DRD3: variants seen among roughly 807,000 people sequenced by gnomAD.
The protein encoded by DRD3 is D(3) dopamine receptor.
DRD3 carries 19 observed loss-of-function variants against 36.3 expected under a neutral mutation model. That is an observed-to-expected ratio of 0.52 (90% CI 0.36 to 0.77). The LOEUF is 0.77. Ranked by LOEUF, DRD3 falls within the 30% of genes least tolerant of loss-of-function variation. The probability of loss-of-function intolerance (pLI) is 0.00; values close to 1 mark genes in which losing one functional copy is unlikely to be tolerated. For synonymous variants in DRD3, 195 were observed against 203.7 expected, an observed-to-expected ratio of 0.96 and a Z score of 0.36; for missense variants, 465 against 505.3, an observed-to-expected ratio of 0.92 and a Z score of 0.77.
At chr3:114,195,284 G>A (rs1477608300) in intron 1 of DRD3, among the ~76,000 whole-genome samples, 1 of 152,124 alleles carries the variant, frequency 6.6e-6, no homozygotes, top group Non-Finnish European at 1.5e-5. Flanking sequence ...TTCAACAACT[G>A]GGAGATACTT....
At chr3:114,197,277 A>AT (rs58452737) in intron 1 of DRD3, among the ~76,000 whole-genome samples, 13,225 of 89,716 alleles carry the variant, frequency 0.15, 1,191 homozygotes, top group Non-Finnish European at 0.18. Flanking sequence ...AATTAAAAAA[A>AT]TTTTTTTTTT....
Position 114,127,965 on chromosome 3 carries a change from G to A in DRD3, c.*751C>T, listed in dbSNP as rs2077393707. ...TTCAACAGTGAAACTACAATGGGAT[G>A]TGTCATTCCGTCTTCAGAAAATATC... On this transcript the variant is annotated 3_prime_UTR_variant, in exon 7 of 7. Coordinates refer to ENST00000383673, the MANE Select transcript of DRD3 (RefSeq NM_000796.6). Among the ~76,000 whole-genome samples the A allele has an allele frequency of 6.6e-6, 1 of 152,240 alleles. No individual in the cohort carries two copies. Among genetic ancestry groups the A allele is most frequent in the Non-Finnish European group, 1.5e-5 (1 of 68,038 alleles).
At chr3:114,185,588 C>T (rs549257766) in intron 1 of DRD3, among the ~76,000 whole-genome samples, 31 of 151,838 alleles carry the variant, frequency 2.0e-4, no homozygotes, top group Admixed American at 9.8e-4. Context: ...GTAGATCTGC[C>T]ACTGAGACTC....
At chr3:114,183,671 T>C (rs2077959778), upstream of DRD3, among the ~76,000 whole-genome samples, 1 of 152,104 alleles carries the variant, frequency 6.6e-6, no homozygotes, top group African/African-American at 2.4e-5. Context: ...TTTATTAATA[T>C]ATAATACCCT....
intron 2 of DRD3, among the ~76,000 whole-genome samples, chr3:114,165,942 T>A (rs2077779102): frequency 6.6e-6 from 1 of 151,198 alleles, no homozygotes; most frequent in Non-Finnish European, 1.5e-5. Flanking sequence ...AGGGCTGCCC[T>A]GGAAATGCTG....
chr3:114,176,623 C>T (rs894970065), intron 1 of DRD3, among the ~76,000 whole-genome samples: 2 of 151,896 alleles, frequency 1.3e-5, no homozygotes, highest in African/African-American at 4.8e-5. Flanking sequence ...AAAAAACCCA[C>T]AAAACTGTCA....
chr3:114,139,395 G>C (rs890230737), intron 5 of DRD3, 105 bp downstream of exon 5: 1 of 1,115,548 alleles, frequency 9.0e-7, no homozygotes. Flanking sequence ...TGTCAGATTT[G>C]TGTCTCCAAT....
chr3:114,143,079 T>C (rs1276060173), intron 4 of DRD3, among the ~76,000 whole-genome samples: 1 of 152,254 alleles, frequency 6.6e-6, no homozygotes, highest in Non-Finnish European at 1.5e-5. Flanking sequence ...AAAGCTGTAA[T>C]GCCCCCCAGA....
chr3:114,186,355 G>A (rs577078098), intron 1 of DRD3, among the ~76,000 whole-genome samples: 1 of 152,212 alleles, frequency 6.6e-6, no homozygotes, highest in East Asian at 1.9e-4. Flanking sequence ...TTGAACTCCC[G>A]ACCTCAGGTG....
intron 1 of DRD3, among the ~76,000 whole-genome samples, chr3:114,187,531 A>G (rs1432798661): frequency 6.6e-6 from 1 of 152,218 alleles, no homozygotes; most frequent in Non-Finnish European, 1.5e-5. Context: ...CTCCTTTGCA[A>G]TCTTGTCATT....
chr3:114,181,319 C>T (rs547584200), upstream of DRD3, among the ~76,000 whole-genome samples: 4 of 152,294 alleles, frequency 2.6e-5, no homozygotes, highest in South Asian at 4.2e-4. Context: ...CCTTGACCCC[C>T]GTGGTGAATG....
At chr3:114,179,582 C>G (rs1246293766), upstream of DRD3, among the ~76,000 whole-genome samples, 1 of 152,168 alleles carries the variant, frequency 6.6e-6, no homozygotes, top group African/African-American at 2.4e-5. Context: ...AGGACAATAT[C>G]AGTGAAAGTC....
intron 1 of DRD3, among the ~76,000 whole-genome samples, chr3:114,172,832 A>C (rs1243050984): frequency 6.6e-6 from 1 of 152,184 alleles, no homozygotes; most frequent in Non-Finnish European, 1.5e-5. Flanking sequence ...GTTGTCTCAC[A>C]GTTCTGAAGG....
chr3:114,198,629 TA>T lies in DRD3; in HGVS notation c.-156+643del, dbSNP rs561530071. ...AAATTATGACAGTTTTATTTCTTTC[TA>T]ATTGGCTAGCTTTTATTTCCCAATC... On this transcript the variant is annotated intron_variant, in intron 1 of 7. Coordinates refer to the DRD3 transcript ENST00000460779. 6.4e-4 allele frequency among the ~76,000 whole-genome samples: 98 copies of T among 152,324 alleles called. 1 individual carries two copies. Among genetic ancestry groups the T allele is most frequent in the African/African-American group, 2.2e-3 (93 of 41,580 alleles).
intron 1 of DRD3, among the ~76,000 whole-genome samples, chr3:114,198,888 T>TA (rs2078050617): frequency 6.6e-6 from 1 of 152,126 alleles, no homozygotes; most frequent in Admixed American, 6.6e-5. Context: ...TACAGGTGCA[T>TA]ACCACAATGC....
At chr3:114,179,080 T>A (rs1161851099), upstream of DRD3, 1 of 152,184 alleles carries the variant, frequency 6.6e-6, no homozygotes, top group African/African-American at 2.4e-5. Flanking sequence ...TTTTAGTACA[T>A]GTATATTTTC....
chr3:114,193,532 C>A (rs1259471111), intron 1 of DRD3, among the ~76,000 whole-genome samples: 1 of 152,192 alleles, frequency 6.6e-6, no homozygotes, highest in Non-Finnish European at 1.5e-5. Context: ...CCTGAGTCAA[C>A]TGGGGCTATA....
At chr3:114,165,552 A>G (rs1215853060) in intron 2 of DRD3, among the ~76,000 whole-genome samples, 1 of 152,238 alleles carries the variant, frequency 6.6e-6, no homozygotes, top group Non-Finnish European at 1.5e-5. Context: ...GAAATTCTAA[A>G]TTTCATCTCA....
chr3:114,131,699 A>C (rs1475108700), intron 5 of DRD3, among the ~76,000 whole-genome samples: 1 of 152,230 alleles, frequency 6.6e-6, no homozygotes, highest in Non-Finnish European at 1.5e-5. Flanking sequence ...CAGAATCTAC[A>C]AGAAACTTAA....
Sources: gnomAD v4.1 joint callset for allele counts (sites outside exome capture counted in the v4.1 genomes callset) on GRCh38, gnomAD v4.1.1 for gene constraint, MANE v1.5 for transcripts, NCBI Gene and HGNC (gene_info 2026-07-23, HGNC 2026-07-21) for gene names.